IGSF21: variants seen among roughly 807,000 people sequenced by gnomAD.
IGSF21 encodes the protein immunoglobin superfamily member 21, also known as immunoglobulin superfamily member 21.
Under a neutral mutation model 46.8 loss-of-function variants are expected in IGSF21, and 28 were observed. That is an observed-to-expected ratio of 0.60 (90% CI 0.44 to 0.82). The LOEUF (loss-of-function observed/expected upper bound fraction) is 0.82, where lower values mean the gene tolerates loss of function less well. Among genes scored for constraint, IGSF21 ranks in the 40% least tolerant of loss-of-function variants. The pLI is 0.00. For missense variants in IGSF21, 624 were observed against 665.5 expected (o/e 0.94, Z 0.69); for synonymous variants, 284 against 273.6 (o/e 1.04, Z -0.38).
chr1:18,162,520 T>C (rs532321633), intron 1 of IGSF21, among the ~76,000 whole-genome samples: 38 of 152,326 alleles, frequency 2.5e-4, no homozygotes, highest in African/African-American at 6.3e-4. Context: ...GATACACTGA[T>C]ACCCTGCAGC....
At chr1:18,256,583 C>T (rs1557610237) in intron 2 of IGSF21, among the ~76,000 whole-genome samples, 1 of 152,132 alleles carries the variant, frequency 6.6e-6, no homozygotes. Context: ...TGCGCTTCTC[C>T]TGGATGTTTC....
chr1:18,326,683 A>G (rs1056771397), intron 3 of IGSF21, among the ~76,000 whole-genome samples: 22 of 152,208 alleles, frequency 1.4e-4, no homozygotes, highest in African/African-American at 5.1e-4. Flanking sequence ...TCAGTTGCTG[A>G]ATTTTGGCAA....
chr1:18,258,973 C>A (rs967474942), intron 2 of IGSF21, among the ~76,000 whole-genome samples: 2 of 152,222 alleles, frequency 1.3e-5, no homozygotes, highest in African/African-American at 2.4e-5. Context: ...CCAGGTCCAG[C>A]CCTTTTTTCC....
At chr1:18,202,288 C>T (rs1013931969) in intron 1 of IGSF21, among the ~76,000 whole-genome samples, 1 of 152,182 alleles carries the variant, frequency 6.6e-6, no homozygotes, top group Admixed American at 6.5e-5. Context: ...GGGACTGGCA[C>T]AGGAGGACGG....
At chr1:18,202,142 A>G (rs1482664009) in intron 1 of IGSF21, among the ~76,000 whole-genome samples, 1 of 152,166 alleles carries the variant, frequency 6.6e-6, no homozygotes, top group East Asian at 1.9e-4. Context: ...TAAGATTTTT[A>G]TCATGTACTT....
rs1460705550 is a variant in IGSF21 at position 18,365,029 on chromosome 1, A to G, written c.541-194A>G. Among the ~76,000 whole-genome samples, 1 of 152,154 alleles carries G rather than the reference A, an allele frequency of 6.6e-6. No homozygotes were observed. ...CTAAGCCTCTGCCCCAAGGGCCTGC[A>G]TGTGTTCCCATTGTACCACACTGGC... On this transcript the variant is annotated intron_variant, in intron 5 of 9. Coordinates refer to ENST00000251296, the MANE Select transcript of IGSF21 (RefSeq NM_032880.5). This position sits in a 1 kb window ranked among gnomAD's most constrained non-coding sequence, Gnocchi z 4.8.
At chr1:18,367,618 T>TTC (rs1441964759) in intron 6 of IGSF21, among the ~76,000 whole-genome samples, 40 of 140,370 alleles carry the variant, frequency 2.8e-4, no homozygotes, top group African/African-American at 8.3e-4. Flanking sequence ...TTTTTTTTTT[T>TTC]TTTTTTTGAC....
At chr1:18,336,329 G>A (rs1021091396) in intron 4 of IGSF21, among the ~76,000 whole-genome samples, 1 of 152,190 alleles carries the variant, frequency 6.6e-6, no homozygotes, top group African/African-American at 2.4e-5. Flanking sequence ...ACTCAGGGAA[G>A]GCCCCTCTGC....
intron 2 of IGSF21, among the ~76,000 whole-genome samples, chr1:18,242,781 G>A (rs1369404608): frequency 6.6e-6 from 1 of 152,176 alleles, no homozygotes; most frequent in Admixed American, 6.5e-5. Flanking sequence ...CAGTTTATTC[G>A]TTCATCCCTT....
At chr1:18,377,513 C>T in intron 9 of IGSF21, 82 bp downstream of exon 9, 1 of 1,089,132 alleles carries the variant, frequency 9.2e-7, no homozygotes, top group South Asian at 1.2e-5. Context: ...CCAAACTTCC[C>T]ATATGCACAC....
In IGSF21 at chr1:18,290,217, G is replaced by A. The variant is rs528136832; in HGVS notation, c.184-1649G>A. 1.9e-4 allele frequency among the ~76,000 whole-genome samples: 29 copies of A among 152,160 alleles called. No individual in the cohort carries two copies. Among genetic ancestry groups the A allele is most frequent in the Non-Finnish European group, 3.7e-4 (25 of 68,036 alleles). On this transcript the variant is annotated intron_variant, in intron 2 of 9. Coordinates refer to ENST00000251296, the MANE Select transcript of IGSF21 (RefSeq NM_032880.5). This position sits in a 1 kb window ranked among gnomAD's most constrained non-coding sequence, Gnocchi z 4.2. ...CATCTTCCTCCACTCTCATGGTCCCGTTTCAGAAGCTGGGCCTGTGCTGCA... is the reference window on the plus strand; with the variant it reads ...CATCTTCCTCCACTCTCATGGTCCCATTTCAGAAGCTGGGCCTGTGCTGCA...
intron 2 of IGSF21, among the ~76,000 whole-genome samples, chr1:18,266,918 T>A (rs1024345569): frequency 1.3e-5 from 2 of 151,974 alleles, no homozygotes; most frequent in Non-Finnish European, 2.9e-5. Context: ...CCAATCAAAC[T>A]GAAAGGGAGA....
chr1:18,338,844 G>A (rs1371585684), intron 4 of IGSF21, among the ~76,000 whole-genome samples: 10 of 151,864 alleles, frequency 6.6e-5, no homozygotes, highest in East Asian at 1.9e-4. Context: ...CCCCAGGAAC[G>A]CATTATACAC....
chr1:18,170,775 C>G (rs1435834646), intron 1 of IGSF21, among the ~76,000 whole-genome samples: 1 of 152,078 alleles, frequency 6.6e-6, no homozygotes, highest in Non-Finnish European at 1.5e-5. Flanking sequence ...TCTCACTTGG[C>G]TGGGCACACG....
At chr1:18,321,496 G>A (rs191103753) in intron 3 of IGSF21, among the ~76,000 whole-genome samples, 1 of 152,294 alleles carries the variant, frequency 6.6e-6, no homozygotes, top group Admixed American at 6.5e-5. Context: ...CCATAAACCA[G>A]GTGGTTTATG....
chr1:18,365,846 C>G lies in IGSF21; in HGVS notation c.1015+149C>G. 1 of 691,242 alleles carries G rather than the reference C, an allele frequency of 1.4e-6. No individual in the cohort carries two copies. 42.8% of individuals were successfully genotyped at this position (691,242 alleles called of 1,614,324 possible). A position where few individuals can be genotyped will look rare whatever the true frequency, so the allele number is the denominator to read the frequency against. On this transcript the variant is annotated intron_variant, in intron 6 of 9. Coordinates refer to ENST00000251296, the MANE Select transcript of IGSF21 (RefSeq NM_032880.5). The surrounding 1 kb of genome is among the most constrained non-coding windows in gnomAD (Gnocchi z 4.8). ...TCAGGATGAGCACAAATGGTAGAGT[C>G]AGGTTCTTAGGGAGGTTTGCTGAGC...
chr1:18,322,862 C>A lies in IGSF21; in HGVS notation c.306-12030C>A, dbSNP rs1006282265. Among the ~76,000 whole-genome samples the A allele has an allele frequency of 6.6e-6, 1 of 151,926 alleles. No individual in the cohort carries two copies. Among genetic ancestry groups the A allele is most frequent in the Non-Finnish European group, 1.5e-5 (1 of 68,006 alleles). On this transcript the variant is annotated intron_variant, in intron 3 of 9. Coordinates refer to ENST00000251296, the MANE Select transcript of IGSF21 (RefSeq NM_032880.5). The surrounding 1 kb of genome is among the most constrained non-coding windows in gnomAD (Gnocchi z 4.3). ...TGGAGAGGAAGCCGGTGGAGAAGAG[C>A]GGGAGATGTCGGAATGGGTGAAGGG...
intron 2 of IGSF21, among the ~76,000 whole-genome samples, chr1:18,258,416 T>C (rs2084911417): frequency 6.6e-6 from 1 of 152,212 alleles, no homozygotes; most frequent in Non-Finnish European, 1.5e-5. Flanking sequence ...CCAGCAACCT[T>C]GACCTTGACA....
chr1:18,231,020 C>T (rs529060975), intron 2 of IGSF21, among the ~76,000 whole-genome samples: 14 of 152,126 alleles, frequency 9.2e-5, no homozygotes, highest in South Asian at 2.1e-4. Context: ...CTCCATCCTC[C>T]GTGAATGAGC....
Sources: allele counts gnomAD v4.1 joint callset (sites outside exome capture counted in the v4.1 genomes callset), GRCh38; gene constraint gnomAD v4.1.1; non-coding constraint Gnocchi (gnomAD v3.1); transcripts MANE v1.5; gene names NCBI Gene and HGNC (gene_info 2026-07-23, HGNC 2026-07-21).